Variants in ZNF280A observed in about 807,000 individuals in gnomAD.
ZNF280A encodes the protein zinc finger protein 280A.
A neutral mutation model predicts 35.9 loss-of-function variants in ZNF280A; 26 were observed. The observed-to-expected ratio is 0.72, with a 90% CI of 0.53 to 1.01. The LOEUF (loss-of-function observed/expected upper bound fraction) is 1.01. Among genes scored for constraint, ZNF280A ranks in the 50% least tolerant of loss-of-function variants. ZNF280A has a pLI of 0.00. For synonymous variants in ZNF280A, 231 were observed against 232.9 expected, an observed-to-expected ratio of 0.99 and a Z score of 0.07; for missense variants, 654 against 652.0, an observed-to-expected ratio of 1.00 and a Z score of -0.03.
chr22:22,518,451 GA>G (rs2062099996), intron 1 of ZNF280A, among the ~76,000 whole-genome samples: 2 of 151,500 alleles, frequency 1.3e-5, no homozygotes, highest in African/African-American at 4.8e-5. Context: ...TTTTTATTAA[GA>G]TTTTTTTAAA....
rs111871430 is a variant in ZNF280A at position 22,518,075 on chromosome 22, G to A, written c.-72+2014C>T. ...CGCGTAGCTGGGACTACAGGCGCCC[G>A]CCACCTCGCCCGGCTAATTTTTTGT... On this transcript the variant is annotated intron_variant, in intron 1 of 1. Coordinates refer to ENST00000302097, the MANE Select transcript of ZNF280A (RefSeq NM_080740.5). Among the ~76,000 whole-genome samples the A allele has an allele frequency of 2.6e-4, 40 of 151,894 alleles. 1 individual carries two copies. The highest frequency in any genetic ancestry group is 8.2e-4 in the African/African-American group (34 of 41,466).
Position 22,515,522 on chromosome 22 carries a change from C to A in ZNF280A, c.109G>T (p.Val37Leu), listed in dbSNP as rs112514328. 6.2e-7 allele frequency: 1 copy of A among 1,613,876 alleles called. No individual in the cohort carries two copies. Among genetic ancestry groups the A allele is most frequent in the Non-Finnish European group, 8.5e-7 (1 of 1,179,972 alleles). ...DEDPDLIYVG[V>L]EHVHRDAEVL... ...TCAGCATCTCTATGTACATGCTCCA[C>A]CCCAACATAGATCAGATCTGGATCT... is the stretch of plus-strand genomic sequence containing the variant. Residue 37 changes from valine to leucine, a missense_variant, in exon 2 of 2, where the codon GTG (valine) becomes TTG (leucine). Physicochemically the swap from Val to Leu is conservative, Grantham distance 32 (BLOSUM62 1). Transcript: ENST00000302097.
Position 22,516,171 on chromosome 22 carries a change from C to A in ZNF280A, c.-71-470G>T, listed in dbSNP as rs112110007. ...TGGTACACACCTGTGGTCCCAGCTA[C>A]TTGGGAGGCTGAGCCAAGAGGAACA... On this transcript the variant is annotated intron_variant, in intron 1 of 1. Transcript: ENST00000302097. Among the ~76,000 whole-genome samples, 10 of 151,890 alleles carry A rather than the reference C, an allele frequency of 6.6e-5. 1 individual carries two copies. Among genetic ancestry groups the A allele is most frequent in the African/African-American group, 2.2e-4 (9 of 41,450 alleles).
chr22:22,514,226 G>A lies in ZNF280A; in HGVS notation c.1405C>T (p.His469Tyr). Residue 469 changes from histidine (H) to tyrosine (Y), a missense_variant, in exon 2 of 2, where the codon CAC (histidine) becomes TAC (tyrosine). By Grantham distance (83) the His-to-Tyr change is moderately conservative (BLOSUM62 2). Coordinates refer to ENST00000302097, the MANE Select transcript of ZNF280A (RefSeq NM_080740.5). ...QFLTLKEEIE[H>Y]KTKDHQTFKK... Reference sequence around the variant, plus strand: ...AATGTTTGATGGTCCTTGGTTTTGTGCTCTATTTCCTCCTTCAACGTCAAA... The same window carrying A: ...AATGTTTGATGGTCCTTGGTTTTGTACTCTATTTCCTCCTTCAACGTCAAA... 1 of 1,613,716 alleles carries A rather than the reference G, an allele frequency of 6.2e-7. No individual in the cohort carries two copies. Among genetic ancestry groups the A allele is most frequent in the Non-Finnish European group, 8.5e-7 (1 of 1,179,956 alleles).
In ZNF280A at chr22:22,515,589, C is replaced by CT; in HGVS notation, c.41dup (p.Lys15GlufsTer13). ...TTTGTTTGGATTCTCTCAAATTCTTCTTTGGTGATTCCACTTTCTTACACA... is the reference window on the plus strand; with the variant it reads ...TTTGTTTGGATTCTCTCAAATTCTTCTTTTGGTGATTCCACTTTCTTACACA... On this transcript the variant is annotated frameshift_variant, in exon 2 of 2. Coordinates refer to ENST00000302097, the MANE Select transcript of ZNF280A (RefSeq NM_080740.5). LOFTEE classifies it high-confidence loss of function. 6.2e-7 allele frequency: 1 copy of CT among 1,604,222 alleles called. No individual in the cohort carries two copies. Among genetic ancestry groups the CT allele is most frequent in the Non-Finnish European group, 8.5e-7 (1 of 1,177,476 alleles).
In ZNF280A at chr22:22,514,897, GC is replaced by G. The variant is rs760301806; in HGVS notation, c.733del (p.Ala245GlnfsTer8). 162 of 1,613,604 alleles carry G rather than the reference GC, an allele frequency of 1.0e-4. No homozygotes were observed. The highest frequency in any genetic ancestry group is 1.8e-5 in the Non-Finnish European group (21 of 1,179,880). On this transcript the variant is annotated frameshift_variant, in exon 2 of 2. Transcript: ENST00000302097. LOFTEE classifies it high-confidence loss of function. The part of the protein sequence containing the change: ...AHFNLTDPER[A>X]SESALAMTDI... ...TGTCATTGCCAGGGCAGACTCACTT[GC>G]TCTCTCTGGATCTGTAAGATTGAAA...
intron 1 of ZNF280A, among the ~76,000 whole-genome samples, chr22:22,516,133 T>C (rs1432551298): frequency 6.6e-6 from 1 of 151,664 alleles, no homozygotes; most frequent in East Asian, 2.0e-4. Flanking sequence ...TAAAAAAAAT[T>C]AGCTTGGCAT....
Position 22,515,436 on chromosome 22 carries a change from T to G in ZNF280A, c.195A>C (p.Arg65Ser), listed in dbSNP as rs1287927885. 1 of 1,613,672 alleles carries G rather than the reference T, an allele frequency of 6.2e-7. No individual in the cohort carries two copies. Among genetic ancestry groups the G allele is most frequent in the African/African-American group, 1.3e-5 (1 of 74,848 alleles). Reference protein sequence around the residue: ...SKPVVSNILNRVTPGSNSRRK... With the variant: ...SKPVVSNILNSVTPGSNSRRK... The stretch of plus-strand genomic sequence containing the variant: ...TTCTTGAATTTGAGCCTGGGGTGAC[T>G]CTGTTCAAAATGTTTGAAACGACTG... Residue 65 changes from arginine (R) to serine (S), a missense_variant, in exon 2 of 2, where the codon AGA (arginine) becomes AGC (serine). Coordinates refer to ENST00000302097, the MANE Select transcript of ZNF280A (RefSeq NM_080740.5).
At position 22,514,368 on chromosome 22, in the gene ZNF280A, C is replaced by A. The variant is rs185502306; in HGVS notation, c.1263G>T (p.Lys421Asn). The A allele has an allele frequency of 5.6e-6, 9 of 1,613,892 alleles. No individual in the cohort carries two copies. In the East Asian group the frequency reaches 2.0e-4, roughly 36 times the overall value. The change falls in exon 2 of 2, where the codon AAG becomes AAT. Residue 421 changes from lysine to asparagine, a missense_variant. By Grantham distance (94) the Lys-to-Asn change is moderately conservative. Transcript: ENST00000302097. ...TGAGACAAAACAGACAAAGCAAATT[C>A]TTTGTGTTTTCATGGCACGTTCTAA... ...THFRTCHENT[K>N]NLLCLFCLKL...
chr22:22,518,593 G>C (rs2062102438), intron 1 of ZNF280A, among the ~76,000 whole-genome samples: 1 of 151,528 alleles, frequency 6.6e-6, no homozygotes, highest in Non-Finnish European at 1.5e-5. Context: ...TTCGAGACCA[G>C]CCTGGCCAAC....
chr22:22,514,837 A>G lies in ZNF280A; in HGVS notation c.794T>C (p.Phe265Ser). The change falls in exon 2 of 2, where the codon TTT (phenylalanine) becomes TCT (serine). Residue 265 changes from phenylalanine to serine, a missense_variant. Phe to Ser is a radical substitution (Grantham distance 155). Transcript: ENST00000302097. Reference protein sequence around the residue: ...ISSLASQNKTFDPKKENPIVL... With the variant: ...ISSLASQNKTSDPKKENPIVL... ...GATGGGATTTTCTTTCTTGGGATCA[A>G]AGGTCTTGTTTTGACTTGCTAGACT... 1 of 1,613,910 alleles carries G rather than the reference A, an allele frequency of 6.2e-7. No individual in the cohort carries two copies. The highest frequency in any genetic ancestry group is 1.1e-5 in the South Asian group (1 of 91,064).
chr22:22,519,053 G>A (rs570247144), intron 1 of ZNF280A, among the ~76,000 whole-genome samples: 6 of 151,912 alleles, frequency 3.9e-5, no homozygotes, highest in African/African-American at 1.4e-4. Flanking sequence ...TTTCATATAT[G>A]TACATACCTA....
Position 22,514,199 on chromosome 22 carries a change from T to A in ZNF280A, c.1432A>T (p.Lys478Ter). 5 of 1,613,694 alleles carry A rather than the reference T, an allele frequency of 3.1e-6. No homozygotes were observed. The highest frequency in any genetic ancestry group is 4.2e-6 in the Non-Finnish European group (5 of 1,179,910). Residue 478 changes from lysine (K) to a stop codon, truncating the protein, a stop_gained, in exon 2 of 2, where the codon AAA (lysine) becomes TAA (stop). Coordinates refer to ENST00000302097, the MANE Select transcript of ZNF280A (RefSeq NM_080740.5). LOFTEE classifies it high-confidence loss of function. Reference protein sequence around the residue: ...EHKTKDHQTFKKPEQLQGLPS... With the variant: ...EHKTKDHQTF ...AACCCTTGCAGTTGCTCCGGCTTTT[T>A]AAATGTTTGATGGTCCTTGGTTTTG... is the stretch of plus-strand genomic sequence containing the variant.
chr22:22,514,970 G>C lies in ZNF280A; in HGVS notation c.661C>G (p.Gln221Glu), dbSNP rs1370799801. 1 of 1,613,902 alleles carries C rather than the reference G, an allele frequency of 6.2e-7. No homozygotes were observed. The highest frequency in any genetic ancestry group is 1.1e-5 in the South Asian group (1 of 91,070). Residue 221 changes from glutamine (Q) to glutamate (E), a missense_variant, in exon 2 of 2, where the codon CAG becomes GAG. Gln to Glu is a conservative substitution (Grantham distance 29, BLOSUM62 2). Coordinates refer to ENST00000302097, the MANE Select transcript of ZNF280A (RefSeq NM_080740.5). ...GGCCAAGGAAATGTTACTCCATTCTGAACATGGTTTGATGAGTTGCAGATC... is the reference window on the plus strand; with the variant it reads ...GGCCAAGGAAATGTTACTCCATTCTCAACATGGTTTGATGAGTTGCAGATC... ...QGICNSSNHV[Q>E]NGVTFPWPDA... is the part of the protein sequence containing the mutation.
rs201182788 is a variant in ZNF280A, at chr22:22,515,564, T to C, written c.67A>G (p.Arg23Gly). The C allele has an allele frequency of 4.3e-6, 7 of 1,611,192 alleles. No individual in the cohort carries two copies. The highest frequency in any genetic ancestry group is 1.3e-5 in the African/African-American group (1 of 74,824). The change falls in exon 2 of 2, where the codon AGG (arginine) becomes GGG (glycine). Residue 23 changes from arginine (R) to glycine (G), a missense_variant. By Grantham distance (125) the Arg-to-Gly change is moderately radical (BLOSUM62 -2). Coordinates refer to ENST00000302097, the MANE Select transcript of ZNF280A (RefSeq NM_080740.5). ...TCTGGATCTTCATCATCCTCCTCCCTTTGTTTGGATTCTCTCAAATTCTTC... is the reference window on the plus strand; with the variant it reads ...TCTGGATCTTCATCATCCTCCTCCCCTTGTTTGGATTCTCTCAAATTCTTC... ...PKKNLRESKQ[R>G]EEDDEDPDLI...
intron 1 of ZNF280A, among the ~76,000 whole-genome samples, chr22:22,518,384 A>G (rs2062099116): frequency 6.6e-6 from 1 of 152,006 alleles, no homozygotes. Context: ...CTGTTTTTGT[A>G]CAGTCAGGAA....
rs367622787 is a variant in ZNF280A at position 22,515,212 on chromosome 22, G to T, written c.419C>A (p.Ser140Ter). ...PQVVSPSSSD[S>*]LPPGTQCLVG... ...TAGACACTGAGTCCCTGGGGGGAGC[G>T]AGTCTGAGGAACTGGGAGAAACAAC... Residue 140 changes from serine (S) to a stop codon, truncating the protein, a stop_gained, in exon 2 of 2, where the codon TCG becomes TAG. Coordinates refer to ENST00000302097, the MANE Select transcript of ZNF280A (RefSeq NM_080740.5). LOFTEE classifies it high-confidence loss of function. The T allele has an allele frequency of 6.2e-7, 1 of 1,613,818 alleles. No homozygotes were observed. Among genetic ancestry groups the T allele is most frequent in the Non-Finnish European group, 8.5e-7 (1 of 1,179,954 alleles).
chr22:22,518,785 CA>C lies in ZNF280A; in HGVS notation c.-72+1303del, dbSNP rs140976483. On this transcript the variant is annotated intron_variant, in intron 1 of 1. Coordinates refer to ENST00000302097, the MANE Select transcript of ZNF280A (RefSeq NM_080740.5). Reference sequence around the variant, plus strand: ...CCTGGGTGACAGAGTGAGACTGTCTCAAAAAAAAAAAAAAGAAAAAAGGAAT... The same window carrying C: ...CCTGGGTGACAGAGTGAGACTGTCTCAAAAAAAAAAAAAGAAAAAAGGAAT... 3.0e-3 allele frequency among the ~76,000 whole-genome samples: 348 copies of C among 115,696 alleles called. 4 individuals carry two copies. In the East Asian group the frequency reaches 0.052, roughly 17 times the overall value. 75.9% of individuals were successfully genotyped at this position (115,696 alleles called of 152,430 possible).
Position 22,514,846 on chromosome 22 carries a change from T to C in ZNF280A, c.785A>G (p.Asn262Ser). 1 of 1,613,872 alleles carries C rather than the reference T, an allele frequency of 6.2e-7. No homozygotes were observed. The highest frequency in any genetic ancestry group is 8.5e-7 in the Non-Finnish European group (1 of 1,179,980). ...TTCTTTCTTGGGATCAAAGGTCTTGTTTTGACTTGCTAGACTTGAAATGTC... is the reference window on the plus strand; with the variant it reads ...TTCTTTCTTGGGATCAAAGGTCTTGCTTTGACTTGCTAGACTTGAAATGTC... The part of the protein sequence containing the change: ...MTDISSLASQ[N>S]KTFDPKKENP... The change falls in exon 2 of 2, where the codon AAC becomes AGC. Residue 262 changes from asparagine to serine, a missense_variant. Asn to Ser is a conservative substitution (Grantham distance 46, BLOSUM62 1). Coordinates refer to ENST00000302097, the MANE Select transcript of ZNF280A (RefSeq NM_080740.5).
Sources: allele counts gnomAD v4.1 joint callset (sites outside exome capture counted in the v4.1 genomes callset), GRCh38; gene constraint gnomAD v4.1.1; transcripts MANE v1.5; gene names NCBI Gene and HGNC (gene_info 2026-07-23, HGNC 2026-07-21).